The following RBFOX1 variants were observed in gnomAD, a reference collection of about 807,000 sequenced individuals.
RBFOX1 encodes RNA binding protein fox-1 homolog 1.
A neutral mutation model predicts 57.7 loss-of-function variants in RBFOX1; 8 were observed. The ratio of observed to expected loss-of-function variants is 0.14; its 90% CI spans 0.08 to 0.25. The LOEUF is 0.25. RBFOX1 is among the 10% of genes least tolerant of loss of function. RBFOX1 has a pLI of 1.00. For missense variants in RBFOX1, 611 were observed against 548.5 expected (o/e 1.11, Z -1.14); for synonymous variants, 326 against 222.4 (o/e 1.47, Z -4.15).
chr16:6,030,053 G>T (rs989872885), intron 1 of RBFOX1, among the ~76,000 whole-genome samples: 2 of 152,082 alleles, frequency 1.3e-5, no homozygotes, highest in African/African-American at 4.8e-5. Context: ...CAGGACCACA[G>T]GCATGTGCCA....
chr16:5,543,278 A>C (rs191841761), intron 2 of RBFOX1, among the ~76,000 whole-genome samples: 1 of 152,342 alleles, frequency 6.6e-6, no homozygotes, highest in East Asian at 1.9e-4. Context: ...AGTATCAAAA[A>C]TGTTAGAATT....
chr16:5,820,015 G>A (rs1438383994), intron 3 of RBFOX1, among the ~76,000 whole-genome samples: 1 of 152,204 alleles, frequency 6.6e-6, no homozygotes, highest in Non-Finnish European at 1.5e-5. Flanking sequence ...CTCTGGCAGG[G>A]AGGGGTGATG....
In RBFOX1 at chr16:5,392,514, G is replaced by GAT. The variant is rs202098635; in HGVS notation, c.220-74687_220-74686dup. On this transcript the variant is annotated intron_variant, in intron 1 of 2. Coordinates refer to the RBFOX1 transcript ENST00000585867. ...CAATGTGGGATGGAGTATGTCTAAT[G>GAT]ATATATATATATATATTTTTTTTCT... Among the ~76,000 whole-genome samples, 41 of 149,668 alleles carry GAT rather than the reference G, an allele frequency of 2.7e-4. 1 individual carries two copies. The highest frequency in any genetic ancestry group is 1.8e-3 in the East Asian group (9 of 5,130).
At chr16:7,013,371 A>G (rs2153659367) in intron 3 of RBFOX1, among the ~76,000 whole-genome samples, 1 of 152,310 alleles carries the variant, frequency 6.6e-6, no homozygotes, top group Non-Finnish European at 1.5e-5. Context: ...CACTTGAAGG[A>G]AAAATTGCCC....
intron 3 of RBFOX1, among the ~76,000 whole-genome samples, chr16:7,004,950 C>T (rs2093167444): frequency 6.6e-6 from 1 of 152,134 alleles, no homozygotes; most frequent in Non-Finnish European, 1.5e-5. Flanking sequence ...TCGAGACCAG[C>T]TTGGCCAACA....
At chr16:6,581,559 G>A (rs1310061811) in intron 2 of RBFOX1, among the ~76,000 whole-genome samples, 4 of 152,146 alleles carry the variant, frequency 2.6e-5, no homozygotes, top group African/African-American at 7.2e-5. Flanking sequence ...ACAGGGGATG[G>A]CCCCTTCCTG....
At chr16:7,504,418 T>A (rs2072073562) in intron 4 of RBFOX1, among the ~76,000 whole-genome samples, 1 of 151,832 alleles carries the variant, frequency 6.6e-6, no homozygotes, top group South Asian at 2.1e-4. Flanking sequence ...TCTTGTGCCT[T>A]TTTGACAACC....
intron 3 of RBFOX1, among the ~76,000 whole-genome samples, chr16:5,768,941 A>C (rs1005245211): frequency 2.0e-5 from 3 of 152,150 alleles, no homozygotes; most frequent in African/African-American, 7.2e-5. Context: ...CAGATGAAAA[A>C]AAAATAGGAA....
At chr16:6,393,649 C>T (rs910158056) in intron 2 of RBFOX1, among the ~76,000 whole-genome samples, 2 of 152,154 alleles carry the variant, frequency 1.3e-5, no homozygotes, top group African/African-American at 4.8e-5. Flanking sequence ...CACTCATTTC[C>T]TTCCATCTTC....
At chr16:5,459,562 C>G (rs1446693156) in intron 1 of RBFOX1, among the ~76,000 whole-genome samples, 1 of 152,158 alleles carries the variant, frequency 6.6e-6, no homozygotes, top group Admixed American at 6.5e-5. Flanking sequence ...GTCCACTTGT[C>G]TCATGTCTGT....
intron 2 of RBFOX1, among the ~76,000 whole-genome samples, chr16:6,460,570 G>A (rs975104735): frequency 2.0e-5 from 3 of 152,028 alleles, no homozygotes; most frequent in African/African-American, 7.2e-5. Flanking sequence ...CAGTCAGAAT[G>A]GCGATTATTA....
intron 3 of RBFOX1, among the ~76,000 whole-genome samples, chr16:5,710,133 G>A (rs993170480): frequency 1.3e-5 from 2 of 151,892 alleles, no homozygotes; most frequent in African/African-American, 2.4e-5. Flanking sequence ...GAGATTATAA[G>A]CTCCCACGAA....
intron 3 of RBFOX1, among the ~76,000 whole-genome samples, chr16:6,844,023 C>G (rs1173176006): frequency 6.6e-6 from 1 of 152,012 alleles, no homozygotes; most frequent in Non-Finnish European, 1.5e-5. Context: ...TGAACCTTTT[C>G]CCAACAATCC....
intron 5 of RBFOX1, among the ~76,000 whole-genome samples, chr16:7,542,891 A>G (rs8053938): frequency 0.76 from 115,488 of 151,034 alleles, 44,869 homozygotes; most frequent in Non-Finnish European, 0.83. Context: ...CTAGGCACAC[A>G]TAATTGTTGT....
intron 4 of RBFOX1, among the ~76,000 whole-genome samples, chr16:7,293,663 C>G (rs1206041661): frequency 3.9e-5 from 6 of 152,092 alleles, no homozygotes; most frequent in Non-Finnish European, 5.9e-5. Context: ...ACTTGGAATC[C>G]TAGAGATTGT....
chr16:6,159,865 T>C (rs967050204), intron 1 of RBFOX1, among the ~76,000 whole-genome samples: 1 of 148,444 alleles, frequency 6.7e-6, no homozygotes, highest in Non-Finnish European at 1.5e-5. Flanking sequence ...AGGAGGATAT[T>C]CGGTATTAAA....
chr16:6,875,606 C>T (rs2061692517), intron 3 of RBFOX1, among the ~76,000 whole-genome samples: 1 of 152,192 alleles, frequency 6.6e-6, no homozygotes, highest in Non-Finnish European at 1.5e-5. Flanking sequence ...TTTATTTCAG[C>T]AGAGAAGGTT....
rs143491994 is a variant in RBFOX1 at position 7,490,494 on chromosome 16, G to A, written c.28-27653G>A. 7.9e-4 allele frequency among the ~76,000 whole-genome samples: 120 copies of A among 152,296 alleles called. 3 individuals are homozygous for A. In the East Asian group the frequency reaches 0.022, roughly 28 times the overall value. On this transcript the variant is annotated intron_variant, in intron 4 of 15. Transcript: ENST00000550418. ...GGCTGTCTTCTTAATTAGAGGGGTT[G>A]AGTCTGACATGGAAGGAGTGGATAA...
At position 6,061,343 on chromosome 16, in the gene RBFOX1, C is replaced by T. The variant is rs534918046; in HGVS notation, c.-127+41351C>T. ...CACAACTACAACCAATGGGTGTAAG[C>T]GACAAGTGGTCAGATTTCAAGTCTC... On this transcript the variant is annotated intron_variant, in intron 1 of 15. Transcript: ENST00000550418. Among the ~76,000 whole-genome samples the T allele has an allele frequency of 8.6e-5, 13 of 152,038 alleles. No homozygotes were observed. In the East Asian group the frequency reaches 1.5e-3, roughly 18 times the overall value.
Sources: allele counts gnomAD v4.1 joint callset (sites outside exome capture counted in the v4.1 genomes callset), GRCh38; gene constraint gnomAD v4.1.1; transcripts MANE v1.5; gene names NCBI Gene and HGNC (gene_info 2026-07-23, HGNC 2026-07-21).